ALPK1: variants seen among roughly 807,000 people sequenced by gnomAD.
ALPK1 encodes the protein alpha-protein kinase 1.
In ALPK1, 110 loss-of-function variants were observed where a neutral mutation model predicts 120.6. The observed-to-expected ratio is 0.91, with a 90% CI of 0.78 to 1.07. The LOEUF is 1.07. Among genes scored for constraint, ALPK1 ranks in the 50% least tolerant of loss-of-function variants. The pLI is 0.00. For synonymous variants in ALPK1, 582 were observed against 560.3 expected, an observed-to-expected ratio of 1.04 and a Z score of -0.55; for missense variants, 1,498 against 1,483.9, an observed-to-expected ratio of 1.01 and a Z score of -0.16.
intron 2 of ALPK1, among the ~76,000 whole-genome samples, chr4:112,366,996 A>G (rs1731190053): frequency 6.6e-6 from 1 of 152,226 alleles, no homozygotes; most frequent in South Asian, 2.1e-4. Context: ...ATGCTAAGCT[A>G]TGAACACACA....
intron 2 of ALPK1, among the ~76,000 whole-genome samples, chr4:112,349,754 G>A (rs371640622): frequency 3.8e-4 from 58 of 152,056 alleles, no homozygotes; most frequent in African/African-American, 9.9e-4. Flanking sequence ...AGGTTTCACC[G>A]TGTTAGCCAG....
chr4:112,439,604 A>C (rs767506575), intron 13 of ALPK1, 82 bp from the exon 14 acceptor site: 31 of 1,230,718 alleles, frequency 2.5e-5, no homozygotes, highest in Admixed American at 2.1e-4. Flanking sequence ...GGCAGAGCCT[A>C]GGTTCAAACC....
At chr4:112,407,260 C>T (rs9790323) in intron 4 of ALPK1, among the ~76,000 whole-genome samples, 2,333 of 152,194 alleles carry the variant, frequency 0.015, 53 homozygotes, top group South Asian at 0.078. Flanking sequence ...TTAACACTGC[C>T]GAAATGCATA....
At chr4:112,380,184 G>A (rs941903312) in intron 3 of ALPK1, among the ~76,000 whole-genome samples, 2 of 152,126 alleles carry the variant, frequency 1.3e-5, no homozygotes, top group Admixed American at 6.5e-5. Flanking sequence ...AGGTCTAAGG[G>A]GTCATCCTGT....
intron 2 of ALPK1, among the ~76,000 whole-genome samples, chr4:112,326,819 T>C (rs1350033331): frequency 1.3e-5 from 2 of 152,120 alleles, no homozygotes; most frequent in African/African-American, 4.8e-5. Flanking sequence ...TTAGAGCCCA[T>C]AGGGAGGACT....
intron 5 of ALPK1, among the ~76,000 whole-genome samples, chr4:112,418,004 G>A (rs1387063290): frequency 3.3e-5 from 5 of 152,116 alleles, no homozygotes; most frequent in African/African-American, 4.8e-5. Context: ...CTATTTCAGG[G>A]GATTAGAGTA....
chr4:112,425,476 A>G (rs995135908), intron 6 of ALPK1, 189 bp from the exon 7 acceptor site: 37 of 448,794 alleles, frequency 8.2e-5, no homozygotes, highest in Non-Finnish European at 1.4e-4. Flanking sequence ...GGAACTGGAG[A>G]CCAGACAGGA....
intron 2 of ALPK1, among the ~76,000 whole-genome samples, chr4:112,332,219 G>GT (rs1729412139): frequency 6.6e-6 from 1 of 152,116 alleles, no homozygotes; most frequent in Non-Finnish European, 1.5e-5. Context: ...AAAGCCTATG[G>GT]TTTATCAATA....
intron 4 of ALPK1, among the ~76,000 whole-genome samples, chr4:112,395,610 C>T (rs1732614107): frequency 6.6e-6 from 1 of 152,104 alleles, no homozygotes; most frequent in African/African-American, 2.4e-5. Context: ...AAGAATGAGA[C>T]AAAGATTAAA....
At chr4:112,441,148 GTGATGCTCTCAAA>G (rs1299633419) in intron 15 of ALPK1, 42 bp from the exon 16 acceptor site, 1 of 1,613,904 alleles carries the variant, frequency 6.2e-7, no homozygotes, top group East Asian at 2.2e-5. Context: ...ACAGACCTTA[GTGATGCTCTCAAA>G]TATCTGGTGA....
chr4:112,310,296 A>T (rs1208359529), intron 1 of ALPK1, among the ~76,000 whole-genome samples: 4 of 152,080 alleles, frequency 2.6e-5, no homozygotes, highest in African/African-American at 9.7e-5. Context: ...AATAACACCT[A>T]CTCAACTAGA....
At chr4:112,371,610 G>A (rs976824330) in intron 2 of ALPK1, among the ~76,000 whole-genome samples, 3 of 152,160 alleles carry the variant, frequency 2.0e-5, no homozygotes, top group Admixed American at 2.0e-4. Flanking sequence ...AAGTGATTAG[G>A]TCAAGTCCTG....
chr4:112,419,913 T>C (rs1733915321), intron 5 of ALPK1, among the ~76,000 whole-genome samples: 1 of 152,238 alleles, frequency 6.6e-6, no homozygotes, highest in East Asian at 1.9e-4. Context: ...TAGAACAATG[T>C]CCGTCACATA....
chr4:112,367,320 A>ATTAACTGG (rs1355216917), intron 2 of ALPK1, among the ~76,000 whole-genome samples: 4 of 152,238 alleles, frequency 2.6e-5, no homozygotes, highest in African/African-American at 4.8e-5. Context: ...ACATCAGAAT[A>ATTAACTGG]TTAACTGGTT....
chr4:112,356,347 C>A, intron 2 of ALPK1: 1 of 863,122 alleles, frequency 1.2e-6, no homozygotes, highest in Non-Finnish European at 2.0e-6. Flanking sequence ...GCAATTTTGC[C>A]GATAGGGTGC....
intron 2 of ALPK1, chr4:112,359,234 G>T (rs550561463): frequency 1.8e-6 from 1 of 566,118 alleles, no homozygotes; most frequent in Admixed American, 2.7e-5. Context: ...GGTCCAGAGC[G>T]CCCAGAGCAG....
In ALPK1 at chr4:112,431,970, A is replaced by G; in HGVS notation, c.2423A>G (p.Asn808Ser). 2 of 1,614,126 alleles carry G rather than the reference A, an allele frequency of 1.2e-6. No individual in the cohort carries two copies. The highest frequency in any genetic ancestry group is 4.5e-5 in the East Asian group (2 of 44,884). The change falls in exon 11 of 16, where the codon AAT becomes AGT. Residue 808 changes from asparagine (N) to serine (S), a missense_variant. Coordinates refer to ENST00000650871, the MANE Select transcript of ALPK1 (RefSeq NM_025144.4). ...APLDFHRVLH[N>S]SLGNISMLPC... is the part of the protein sequence containing the mutation. ...TTAGACTTTCACAGGGTCCTGCACA[A>G]TTCTCTGGGAAACATTTCCATGCTG... is the stretch of plus-strand genomic sequence containing the variant.
intron 5 of ALPK1, among the ~76,000 whole-genome samples, chr4:112,420,323 T>C (rs1733932716): frequency 6.6e-6 from 1 of 152,228 alleles, no homozygotes; most frequent in Admixed American, 6.5e-5. Context: ...TCCCCAAAGT[T>C]AGTGGCCTAA....
intron 9 of ALPK1, among the ~76,000 whole-genome samples, chr4:112,428,522 T>G (rs1734340141): frequency 6.6e-6 from 1 of 152,236 alleles, no homozygotes; most frequent in Admixed American, 6.5e-5. Flanking sequence ...AGGAGGATCA[T>G]GTCCCTTGTT....
Sources: gnomAD v4.1 joint callset for allele counts (sites outside exome capture counted in the v4.1 genomes callset) on GRCh38, gnomAD v4.1.1 for gene constraint, MANE v1.5 for transcripts, NCBI Gene and HGNC (gene_info 2026-07-23, HGNC 2026-07-21) for gene names.